Variants in MYO16 observed in about 807,000 individuals in gnomAD.
MYO16 encodes the protein unconventional myosin-XVI.
In MYO16, 94 loss-of-function variants were observed where a neutral mutation model predicts 205.3. The observed-to-expected ratio is 0.46, with a 90% CI of 0.39 to 0.54. MYO16 has a LOEUF of 0.54. Ranked by LOEUF, MYO16 falls within the 20% of genes least tolerant of loss-of-function variation. The probability of loss-of-function intolerance (pLI) is 0.00; values close to 1 mark genes in which losing one functional copy is unlikely to be tolerated. For missense variants in MYO16, 2,315 were observed against 2,387.5 expected (o/e 0.97, Z 0.63); for synonymous variants, 988 against 954.0 (o/e 1.04, Z -0.66).
At chr13:108,837,775 G>A (rs760548177) in intron 9 of MYO16, among the ~76,000 whole-genome samples, 2 of 152,122 alleles carry the variant, frequency 1.3e-5, no homozygotes, top group Non-Finnish European at 2.9e-5. Flanking sequence ...ACTTAGATTT[G>A]AGATATGAAA....
In MYO16 at chr13:109,055,070, A is replaced by G; in HGVS notation, c.3073A>G (p.Thr1025Ala). 3 of 1,579,978 alleles carry G rather than the reference A, an allele frequency of 1.9e-6. No homozygotes were observed. Among genetic ancestry groups the G allele is most frequent in the Non-Finnish European group, 2.6e-6 (3 of 1,163,198 alleles). Residue 1025 changes from threonine to alanine, a missense_variant, in exon 26 of 35, where the codon ACA (threonine) becomes GCA (alanine). Physicochemically the swap from Thr to Ala is moderately conservative, Grantham distance 58. Transcript: ENST00000457511. This position sits in a 1 kb window ranked among gnomAD's most constrained non-coding sequence, Gnocchi z 5.0. ...GTTATTAAAAAAGAAAGGAACTTCT[A>G]CATTTCTTCAAAGATTGGAACGAGG... ...SKLLKKKGTS[T>A]FLQRLERGDP...
intron 14 of MYO16, among the ~76,000 whole-genome samples, chr13:108,896,667 TA>T (rs1461018875): frequency 9.8e-5 from 15 of 152,322 alleles, no homozygotes; most frequent in Non-Finnish European, 4.4e-5. Context: ...CCAGGAAATT[TA>T]AAAGTGGGAT....
intron 9 of MYO16, among the ~76,000 whole-genome samples, chr13:108,837,679 A>G (rs914537230): frequency 1.3e-5 from 2 of 152,188 alleles, no homozygotes; most frequent in Non-Finnish European, 2.9e-5. Flanking sequence ...AATCTGATTT[A>G]AATCTGATTT....
intron 23 of MYO16, among the ~76,000 whole-genome samples, chr13:109,031,389 A>G (rs986363192): frequency 6.6e-6 from 1 of 152,180 alleles, no homozygotes; most frequent in Non-Finnish European, 1.5e-5. Flanking sequence ...TTAAAGGAAT[A>G]TTAACTGCCT....
chr13:108,559,460 TTTTTC>T, the MYO16 span, among the ~76,000 whole-genome samples: 2 of 146,758 alleles, frequency 1.4e-5, no homozygotes, highest in African/African-American at 2.6e-5. Context: ...TCTTTTTTTC[TTTTTC>T]TTTTCTTTTT....
the MYO16 span, among the ~76,000 whole-genome samples, chr13:108,547,187 G>C: frequency 6.6e-6 from 1 of 151,312 alleles, no homozygotes; most frequent in Non-Finnish European, 1.5e-5. Context: ...CAGGAGCATG[G>C]CATGAACCTG....
intron 7 of MYO16, among the ~76,000 whole-genome samples, chr13:108,813,746 A>T (rs1484377212): frequency 6.6e-6 from 1 of 152,152 alleles, no homozygotes; most frequent in African/African-American, 2.4e-5. Flanking sequence ...TTAACCTCTG[A>T]TAACTTTGCT....
chr13:109,045,990 T>TCGCC (rs758757528), intron 23 of MYO16, among the ~76,000 whole-genome samples: 4,971 of 151,564 alleles, frequency 0.033, 127 homozygotes, highest in South Asian at 0.055. Context: ...GGAGGCAAAT[T>TCGCC]CTCCCTCACG....
intron 16 of MYO16, among the ~76,000 whole-genome samples, chr13:108,950,131 C>A (rs1030962280): frequency 6.6e-6 from 1 of 151,954 alleles, no homozygotes; most frequent in Non-Finnish European, 1.5e-5. Context: ...CATGACTAAG[C>A]AAAAAGAACT....
At chr13:108,818,832 CATAAT>C (rs1875785612) in intron 7 of MYO16, among the ~76,000 whole-genome samples, 1 of 152,132 alleles carries the variant, frequency 6.6e-6, no homozygotes, top group African/African-American at 2.4e-5. Flanking sequence ...CTTTAAAAAG[CATAAT>C]ATAAAATCAT....
chr13:108,977,640 G>T (rs1884311112), intron 20 of MYO16, among the ~76,000 whole-genome samples: 1 of 152,056 alleles, frequency 6.6e-6, no homozygotes, highest in Non-Finnish European at 1.5e-5. Flanking sequence ...TATTGTGTAT[G>T]TGAGGAGTTG....
chr13:108,499,043 T>A, the MYO16 span, among the ~76,000 whole-genome samples: 5,185 of 152,272 alleles, frequency 0.034, 117 homozygotes, highest in South Asian at 0.087. Context: ...CATCTTTGTA[T>A]CCTAATAGCC....
At chr13:108,947,646 G>A (rs1016899905) in intron 16 of MYO16, among the ~76,000 whole-genome samples, 6 of 152,064 alleles carry the variant, frequency 3.9e-5, no homozygotes, top group Non-Finnish European at 8.8e-5. Context: ...CGTTGTCCAG[G>A]GCCTTCTGTG....
At chr13:108,905,058 T>A (rs1342121740) in intron 15 of MYO16, among the ~76,000 whole-genome samples, 1 of 152,328 alleles carries the variant, frequency 6.6e-6, no homozygotes, top group African/African-American at 2.4e-5. Flanking sequence ...TAGCTCTTTC[T>A]TTTTCTAATT....
chr13:109,073,179 G>A (rs1454720722), intron 27 of MYO16, among the ~76,000 whole-genome samples: 1 of 150,570 alleles, frequency 6.6e-6, no homozygotes, highest in African/African-American at 2.4e-5. Flanking sequence ...TCAGCTCACT[G>A]GAACCTCCTC....
chr13:108,791,111 C>T (rs1886602765), intron 5 of MYO16, among the ~76,000 whole-genome samples: 1 of 152,100 alleles, frequency 6.6e-6, no homozygotes, highest in South Asian at 2.1e-4. Context: ...TCCTAAAAGT[C>T]AGAATAAGTG....
intron 16 of MYO16, among the ~76,000 whole-genome samples, chr13:108,949,187 GAGA>G (rs1294082563): frequency 6.6e-6 from 1 of 152,144 alleles, no homozygotes; most frequent in Admixed American, 6.5e-5. Context: ...TGTATTGCTG[GAGA>G]AGGTGTGCTT....
chr13:108,946,263 A>C (rs1882936386), intron 16 of MYO16, among the ~76,000 whole-genome samples: 1 of 151,806 alleles, frequency 6.6e-6, no homozygotes, highest in Non-Finnish European at 1.5e-5. Context: ...TCTTTGTTAG[A>C]GTATTTGTTT....
intron 1 of MYO16, among the ~76,000 whole-genome samples, chr13:108,604,393 T>C (rs1878875624): frequency 6.6e-6 from 1 of 152,156 alleles, no homozygotes; most frequent in Non-Finnish European, 1.5e-5. Context: ...CTGAATGTAG[T>C]ATTTGAAAAA....
Sources: gnomAD v4.1 joint callset for allele counts (sites outside exome capture counted in the v4.1 genomes callset) on GRCh38, gnomAD v4.1.1 for gene constraint, Gnocchi (gnomAD v3.1) non-coding constraint, MANE v1.5 for transcripts, NCBI Gene and HGNC (gene_info 2026-07-23, HGNC 2026-07-21) for gene names.